THSD7A: variants seen among roughly 807,000 people sequenced by gnomAD.
THSD7A encodes thrombospondin type 1 domain containing 7A.
Under a neutral mutation model 231.3 loss-of-function variants are expected in THSD7A, and 96 were observed. The observed-to-expected ratio is 0.41, with a 90% CI of 0.35 to 0.49. The LOEUF is 0.49. Ranked by LOEUF, THSD7A falls within the 20% of genes least tolerant of loss-of-function variation. The probability of loss-of-function intolerance (pLI) is 0.05; values close to 1 mark genes in which losing one functional copy is unlikely to be tolerated. For missense variants in THSD7A, 2,290 were observed against 2,070.2 expected (o/e 1.11, Z -2.06); for synonymous variants, 940 against 743.3 (o/e 1.26, Z -4.30).
chr7:11,572,676 T>C (rs953248011), intron 4 of THSD7A, among the ~76,000 whole-genome samples: 1 of 151,496 alleles, frequency 6.6e-6, no homozygotes, highest in African/African-American at 2.4e-5. Flanking sequence ...CCCAGCAAAT[T>C]AATTTTTTTT....
rs12699203 is a variant in THSD7A at position 11,533,242 on chromosome 7, A to C, written c.1822+8177T>G. On this transcript the variant is annotated intron_variant, in intron 6 of 27. Coordinates refer to ENST00000423059, the MANE Select transcript of THSD7A (RefSeq NM_015204.3). ...TCCTCTGGCCTAATTTCTGTGGTCCAGAGGCCAACTGAGAAAGTTCCTCGG... is the reference window on the plus strand; with the variant it reads ...TCCTCTGGCCTAATTTCTGTGGTCCCGAGGCCAACTGAGAAAGTTCCTCGG... 1.3e-3 allele frequency among the ~76,000 whole-genome samples: 192 copies of C among 152,162 alleles called. 1 individual carries two copies. The highest frequency in any genetic ancestry group is 4.3e-3 in the African/African-American group (180 of 41,536).
intron 2 of THSD7A, among the ~76,000 whole-genome samples, chr7:11,635,770 A>G (rs1309266093): frequency 6.6e-6 from 1 of 152,160 alleles, no homozygotes; most frequent in African/African-American, 2.4e-5. Flanking sequence ...AGCTCACTAA[A>G]ATAAGTATCT....
chr7:11,394,179 T>C (rs1397752857), intron 23 of THSD7A, among the ~76,000 whole-genome samples: 1 of 152,114 alleles, frequency 6.6e-6, no homozygotes, highest in Non-Finnish European at 1.5e-5. Flanking sequence ...TCTGCAGAAA[T>C]CCTACGAGCC....
chr7:11,583,237 TA>T (rs1246637991), intron 4 of THSD7A, among the ~76,000 whole-genome samples: 1 of 152,126 alleles, frequency 6.6e-6, no homozygotes, highest in Admixed American at 6.5e-5. Context: ...GTTTTTCCTT[TA>T]AATCTTTAAT....
intron 6 of THSD7A, among the ~76,000 whole-genome samples, chr7:11,496,432 G>C (rs1787101553): frequency 6.6e-6 from 1 of 152,166 alleles, no homozygotes; most frequent in Non-Finnish European, 1.5e-5. Flanking sequence ...GAGGCCCATA[G>C]TATGGAAAAC....
Position 11,421,557 on chromosome 7 carries a change from TA to T in THSD7A, c.3383+3138del, listed in dbSNP as rs201226606. ...AAGATTAATACATCTCTCTTCCTTTTATTTTTTTGTTTTACAAGTAATATAC... is the reference window on the plus strand; with the variant it reads ...AAGATTAATACATCTCTCTTCCTTTTTTTTTTTGTTTTACAAGTAATATAC... On this transcript the variant is annotated intron_variant, in intron 16 of 27. Transcript: ENST00000423059. Among the ~76,000 whole-genome samples the T allele has an allele frequency of 4.0e-4, 61 of 152,312 alleles. 2 individuals carry two copies. In the East Asian group the frequency reaches 7.9e-3, roughly 20 times the overall value.
rs539748752 is a variant in THSD7A at position 11,516,506 on chromosome 7, T to C, written c.1822+24913A>G. Among the ~76,000 whole-genome samples, 25 of 152,298 alleles carry C rather than the reference T, an allele frequency of 1.6e-4. 1 individual carries two copies. The South Asian group carries it at 5.2e-3, about 32-fold the overall frequency. ...TCCCCATCTTCCTATAAAAGGAAGC[T>C]TCCAAAAGCCCATTGACCTTGCCTG... On this transcript the variant is annotated intron_variant, in intron 6 of 27. Transcript: ENST00000423059.
At chr7:11,820,759 G>T in intron 1 of THSD7A, 1 of 1,209,342 alleles carries the variant, frequency 8.3e-7, no homozygotes, top group Non-Finnish European at 1.2e-6. Flanking sequence ...CTGCTTTGTA[G>T]GAGTGAGATG....
chr7:11,549,067 C>A lies in THSD7A; in HGVS notation c.1454-5950G>T, dbSNP rs1789518785. The stretch of plus-strand genomic sequence containing the variant: ...CTTAAATTTAAAAGAAAAAAAACCC[C>A]ATTAAAAAGTGGGAAAGGGCATGAA... On this transcript the variant is annotated intron_variant, in intron 4 of 27. Transcript: ENST00000423059. 2.0e-5 allele frequency among the ~76,000 whole-genome samples: 3 copies of A among 152,008 alleles called. No homozygotes were observed. In the South Asian group the frequency reaches 6.2e-4, roughly 31 times the overall value.
At chr7:11,765,591 T>C (rs1783007045) in intron 1 of THSD7A, among the ~76,000 whole-genome samples, 1 of 152,216 alleles carries the variant, frequency 6.6e-6, no homozygotes. Context: ...ATCGCCAACT[T>C]AAATTTTATT....
chr7:11,522,433 T>G (rs538666646), intron 6 of THSD7A, among the ~76,000 whole-genome samples: 2 of 152,356 alleles, frequency 1.3e-5, no homozygotes, highest in Admixed American at 6.5e-5. Flanking sequence ...CATACTTTCA[T>G]GTTTATAAAT....
intron 4 of THSD7A, among the ~76,000 whole-genome samples, chr7:11,560,677 T>A (rs1293269749): frequency 1.3e-5 from 2 of 152,142 alleles, no homozygotes; most frequent in Admixed American, 1.3e-4. Context: ...TTAAAAATAA[T>A]CTAACACATT....
At chr7:11,510,353 G>T (rs10243112) in intron 6 of THSD7A, among the ~76,000 whole-genome samples, 18,515 of 152,064 alleles carry the variant, frequency 0.12, 1,372 homozygotes, top group African/African-American at 0.21. Context: ...GTACAAAGAG[G>T]AGCTGGTACT....
intron 14 of THSD7A, among the ~76,000 whole-genome samples, chr7:11,427,636 CTT>C (rs1337977045): frequency 2.0e-5 from 3 of 152,062 alleles, no homozygotes; most frequent in Non-Finnish European, 4.4e-5. Flanking sequence ...TAGAATTTCT[CTT>C]TATTAGGATT....
chr7:11,389,724 C>G (rs1332548059), intron 23 of THSD7A, among the ~76,000 whole-genome samples: 1 of 151,544 alleles, frequency 6.6e-6, no homozygotes, highest in African/African-American at 2.4e-5. Flanking sequence ...TGTTGATGGC[C>G]TTTACAATTT....
chr7:11,632,206 A>G lies in THSD7A; in HGVS notation c.1022+3924T>C, dbSNP rs927973390. Among the ~76,000 whole-genome samples, 6 of 152,092 alleles carry G rather than the reference A, an allele frequency of 3.9e-5. No homozygotes were observed. The highest frequency in any genetic ancestry group is 8.8e-5 in the Non-Finnish European group (6 of 68,018). The stretch of plus-strand genomic sequence containing the variant: ...CATCTATTTTTCCCTTATAAATTTC[A>G]CAGTAACAATGTACAGTTGGTATAT... On this transcript the variant is annotated intron_variant, in intron 2 of 27. Transcript: ENST00000423059. The surrounding 1 kb of genome is among the most constrained non-coding windows in gnomAD (Gnocchi z 4.1).
chr7:11,735,970 T>G (rs918368582), intron 1 of THSD7A, among the ~76,000 whole-genome samples: 2 of 151,928 alleles, frequency 1.3e-5, no homozygotes, highest in Admixed American at 1.3e-4. Flanking sequence ...TTACTTCTAG[T>G]GTTATATTAA....
chr7:11,611,114 A>G (rs1371848273), intron 2 of THSD7A, among the ~76,000 whole-genome samples: 3 of 152,136 alleles, frequency 2.0e-5, no homozygotes, highest in East Asian at 1.9e-4. Context: ...TCTATTTTAC[A>G]TATTTGTCAA....
intron 1 of THSD7A, among the ~76,000 whole-genome samples, chr7:11,761,538 G>C (rs1378217832): frequency 6.6e-6 from 1 of 151,902 alleles, no homozygotes; most frequent in African/African-American, 2.4e-5. Context: ...TGCATACATT[G>C]TGTGTGTATA....
Sources: gnomAD v4.1 joint callset for allele counts (sites outside exome capture counted in the v4.1 genomes callset) on GRCh38, gnomAD v4.1.1 for gene constraint, Gnocchi (gnomAD v3.1) non-coding constraint, MANE v1.5 for transcripts, NCBI Gene and HGNC (gene_info 2026-07-23, HGNC 2026-07-21) for gene names.